The following PRAMEF15 variants were observed in gnomAD, a reference collection of about 807,000 sequenced individuals.
PRAMEF15 encodes the protein PRAME family member 9/15.
Under a neutral mutation model 35.3 loss-of-function variants are expected in PRAMEF15, and 21 were observed. That is an observed-to-expected ratio of 0.59 (90% confidence interval 0.42 to 0.86). The LOEUF (loss-of-function observed/expected upper bound fraction) is 0.86. Among genes scored for constraint, PRAMEF15 ranks in the 40% least tolerant of loss-of-function variants. The pLI, the probability that PRAMEF15 is intolerant of heterozygous loss-of-function variation, is 0.00. For synonymous variants in PRAMEF15, 122 were observed against 223.3 expected, an observed-to-expected ratio of 0.55 and a Z score of 4.05; for missense variants, 360 against 574.1, an observed-to-expected ratio of 0.63 and a Z score of 3.81.
rs1640035493 is a variant in PRAMEF15 at position 13,318,489 on chromosome 1, T to A, written c.82T>A (p.Ser28Thr). The A allele has an allele frequency of 1.2e-6, 2 of 1,613,990 alleles. No individual in the cohort carries two copies. Among genetic ancestry groups the A allele is most frequent in the Admixed American group, 3.3e-5 (2 of 59,990 alleles). The change falls in exon 2 of 4, where the codon TCC becomes ACC. Residue 28 changes from serine to threonine, a missense_variant. By Grantham distance (58) the Ser-to-Thr change is moderately conservative. Coordinates refer to ENST00000376152, the MANE Select transcript of PRAMEF15 (RefSeq NM_001098376.3). ...GCTGAGGGACCAAGCTTTGGCCATG[T>A]CCACCCTGGAGGAGCTGCCCACAGA... Reference protein sequence around the residue: ...SLLRDQALAMSTLEELPTELF... With the variant: ...SLLRDQALAMTTLEELPTELF...
At position 13,319,611 on chromosome 1, in the gene PRAMEF15, A is replaced by G. The variant is rs1282071863; in HGVS notation, c.533A>G (p.Asp178Gly). The G allele has an allele frequency of 6.2e-7, 1 of 1,612,960 alleles. No homozygotes were observed. Among genetic ancestry groups the G allele is most frequent in the Non-Finnish European group, 8.5e-7 (1 of 1,179,626 alleles). Residue 178 changes from aspartate to glycine, a missense_variant, in exon 3 of 4, where the codon GAT (aspartate) becomes GGT (glycine). Coordinates refer to ENST00000376152, the MANE Select transcript of PRAMEF15 (RefSeq NM_001098376.3). ...YLLLWVKQRK[D>G]LLHLCCKKLK... ...CTTCTATGGGTCAAGCAGAGGAAAG[A>G]TTTACTACACCTGTGCTGTAAGAAG...
Position 13,319,646 on chromosome 1 carries a change from T to G in PRAMEF15, c.568T>G (p.Leu190Val), listed in dbSNP as rs1640055326. 1.9e-6 allele frequency: 3 copies of G among 1,608,788 alleles called. No homozygotes were observed. The Admixed American group carries it at 5.0e-5, about 27-fold the overall frequency. ...LHLCCKKLKI[L>V]GMPFRNIRSI... Reference sequence around the variant, plus strand: ...CCTGTGCTGTAAGAAGCTGAAAATTTTGGGAATGCCCTTCCGCAATATCAG... The same window carrying G: ...CCTGTGCTGTAAGAAGCTGAAAATTGTGGGAATGCCCTTCCGCAATATCAG... Residue 190 changes from leucine (L) to valine (V), a missense_variant, in exon 3 of 4, where the codon TTG (leucine) becomes GTG (valine). Physicochemically the swap from Leu to Val is conservative, Grantham distance 32. Around this residue, in one of 8 missense-constraint regions of PRAMEF15, gnomAD observed 36 missense variants for 164.8 expected, o/e 0.22. Coordinates refer to ENST00000376152, the MANE Select transcript of PRAMEF15 (RefSeq NM_001098376.3).
intron 1 of PRAMEF15, 62 bp downstream of exon 1, chr1:13,315,720 G>A (rs1433165046): frequency 6.0e-5 from 9 of 150,988 alleles, no homozygotes; most frequent in Non-Finnish European, 1.3e-4. Flanking sequence ...GTCTGGGATG[G>A]TGACAGTGCA....
intron 1 of PRAMEF15, among the ~76,000 whole-genome samples, chr1:13,316,546 G>C (rs1640007608): frequency 6.6e-6 from 1 of 151,946 alleles, no homozygotes; most frequent in Non-Finnish European, 1.5e-5. Flanking sequence ...TCCCAGCTAT[G>C]TGGAAGGCTG....
rs1187447295 is a variant in PRAMEF15 at position 13,321,230 on chromosome 1, TTC to T, written c.876-472_876-471del. 2.3e-3 allele frequency among the ~76,000 whole-genome samples: 328 copies of T among 144,626 alleles called. 2 individuals are homozygous for T. Among genetic ancestry groups the T allele is most frequent in the Non-Finnish European group, 3.8e-3 (248 of 65,874 alleles). 94.9% of individuals were successfully genotyped at this position (144,626 alleles called of 152,430 possible). The stretch of plus-strand genomic sequence containing the variant: ...AATTATTTTTTCTCCTTTTTTTTTT[TTC>T]AAAACAGAGTCTCTCTCTGTCACCC... On this transcript the variant is annotated intron_variant, in intron 3 of 3. Transcript: ENST00000376152.
Position 13,322,084 on chromosome 1 carries a change from A to C in PRAMEF15, c.1257A>C (p.Arg419=), listed in dbSNP as rs1268763768. ...NLCVELYPAP[R]ESYGADGTLC... is the part of the protein sequence containing the mutation. The stretch of plus-strand genomic sequence containing the variant: ...GTGTGGAGCTGTATCCTGCCCCCCG[A>C]GAGAGTTATGGTGCTGATGGTACTC... Residue 419 remains arginine, a synonymous_variant, in exon 4 of 4, where the codon CGA becomes CGC. Transcript: ENST00000376152. 7 of 1,595,752 alleles carry C rather than the reference A, an allele frequency of 4.4e-6. No individual in the cohort carries two copies. In the African/African-American group the frequency reaches 9.5e-5, roughly 22 times the overall value.
intron 1 of PRAMEF15, among the ~76,000 whole-genome samples, chr1:13,316,519 G>C (rs1180003234): frequency 2.6e-5 from 4 of 151,892 alleles, no homozygotes; most frequent in African/African-American, 9.7e-5. Context: ...ATGGCTGTGG[G>C]GGGTGCATGC....
rs1260345229 is a variant in PRAMEF15 at position 13,321,698 on chromosome 1, C to G, written c.876-5C>G. The G allele has an allele frequency of 8.1e-5, 131 of 1,607,434 alleles. 3 individuals are homozygous for G. Among genetic ancestry groups the G allele is most frequent in the Non-Finnish European group, 1.0e-4 (123 of 1,177,270 alleles). On this transcript the variant is annotated splice_polypyrimidine_tract_variant and splice_region_variant and intron_variant, in intron 3 of 3. Transcript: ENST00000376152. ...CAGAATTAACTTCTTGCTCTCTCTC[C>G]CCAGCTGTCTGAAGACCTCGTTAAA...
At chr1:13,317,783 G>C (rs1381728215) in intron 1 of PRAMEF15, among the ~76,000 whole-genome samples, 3 of 147,624 alleles carry the variant, frequency 2.0e-5, no homozygotes, top group Admixed American at 6.8e-5. Flanking sequence ...CAGAAAGAGT[G>C]AGAGAGGGAG....
In PRAMEF15 at chr1:13,319,964, A is replaced by C. The variant is rs1175888172; in HGVS notation, c.875+11A>C. On this transcript the variant is annotated intron_variant, in intron 3 of 3. Transcript: ENST00000376152. ...GGACCAGCTGCTCAGGTGAGGGAGG[A>C]TGGTGAGCTTTCTCTGCAGACCACA... 3.3e-6 allele frequency: 5 copies of C among 1,512,692 alleles called. No individual in the cohort carries two copies. Among genetic ancestry groups the C allele is most frequent in the Non-Finnish European group, 4.4e-6 (5 of 1,125,774 alleles). The allele number at this position is 1,512,692 out of a possible 1,614,324, so 93.7% of individuals were successfully genotyped here.
intron 2 of PRAMEF15, among the ~76,000 whole-genome samples, chr1:13,319,061 G>A (rs1184994413): frequency 6.6e-6 from 1 of 152,010 alleles, no homozygotes; most frequent in South Asian, 2.1e-4. Context: ...GGGCATGGTG[G>A]TGGGTTCCTG....
At chr1:13,317,876 AGAAAGAAGGGAGGGAGAGAGGGAAAGAAG>A (rs1640027366) in intron 1 of PRAMEF15, among the ~76,000 whole-genome samples, 1 of 151,654 alleles carries the variant, frequency 6.6e-6, no homozygotes, top group Non-Finnish European at 1.5e-5. Flanking sequence ...GGGGAAAGAA[AGAAAGAAGGGAGGGAGAGAGGGAAAGAAG>A]GAAAGAAGAA....
At chr1:13,317,536 GA>G (rs1486850049) in intron 1 of PRAMEF15, among the ~76,000 whole-genome samples, 1 of 152,008 alleles carries the variant, frequency 6.6e-6, no homozygotes, top group African/African-American at 2.4e-5. Context: ...GGGAGGCCAA[GA>G]GGGGTAGATT....
chr1:13,317,926 A>C, intron 1 of PRAMEF15, among the ~76,000 whole-genome samples: 1 of 152,076 alleles, frequency 6.6e-6, no homozygotes, highest in Non-Finnish European at 1.5e-5. Context: ...AGAGAGAGAA[A>C]GAGAAAGCAA....
intron 2 of PRAMEF15, 47 bp downstream of exon 2, chr1:13,318,747 T>G: frequency 6.2e-7 from 1 of 1,609,636 alleles, no homozygotes; most frequent in Admixed American, 1.7e-5. Context: ...GGTGTCCAAC[T>G]GAAGGAACAG....
intron 3 of PRAMEF15, among the ~76,000 whole-genome samples, chr1:13,320,287 G>A (rs1182849091): frequency 1.3e-5 from 2 of 152,034 alleles, no homozygotes; most frequent in Admixed American, 6.6e-5. Flanking sequence ...CACCAGGGGC[G>A]GTGGCTCATG....
At chr1:13,315,776 T>G (rs1337499700) in intron 1 of PRAMEF15, 118 bp downstream of exon 1, 1 of 140,994 alleles carries the variant, frequency 7.1e-6, no homozygotes, top group Non-Finnish European at 1.6e-5. Flanking sequence ...TTTTTTTTTT[T>G]ATATGAACAA....
intron 3 of PRAMEF15, 23 bp downstream of exon 3, chr1:13,319,976 C>T (rs1640061487): frequency 1.9e-6 from 3 of 1,610,976 alleles, no homozygotes; most frequent in African/African-American, 2.7e-5. Flanking sequence ...GGTGAGCTTT[C>T]TCTGCAGACC....
chr1:13,316,347 C>T (rs1227185255), intron 1 of PRAMEF15, among the ~76,000 whole-genome samples: 11 of 151,378 alleles, frequency 7.3e-5, no homozygotes, highest in East Asian at 1.9e-4. Context: ...ATCACTTGAG[C>T]ACAGAAGATT....
Sources: allele counts gnomAD v4.1 joint callset (sites outside exome capture counted in the v4.1 genomes callset), GRCh38; gene constraint gnomAD v4.1.1; regional missense constraint gnomAD v4.1.1; transcripts MANE v1.5; gene names NCBI Gene and HGNC (gene_info 2026-07-23, HGNC 2026-07-21).